The following SAMD4A variants were observed in gnomAD, a reference collection of about 807,000 sequenced individuals.
SAMD4A encodes the protein sterile alpha motif domain containing 4A.
In SAMD4A, 33 loss-of-function variants were observed where a neutral mutation model predicts 81.3. That is an observed-to-expected ratio of 0.41 (90% confidence interval 0.31 to 0.54). SAMD4A has a LOEUF of 0.54. Among genes scored for constraint, SAMD4A ranks in the 20% least tolerant of loss-of-function variants. The pLI is 0.37. For synonymous variants in SAMD4A, 389 were observed against 382.1 expected (o/e 1.02, Z -0.21); for missense variants, 854 against 951.1 (o/e 0.90, Z 1.34).
At chr14:54,686,364 T>C (rs2036268880) in intron 2 of SAMD4A, among the ~76,000 whole-genome samples, 1 of 152,186 alleles carries the variant, frequency 6.6e-6, no homozygotes. Flanking sequence ...GCAAGTTTAA[T>C]TGTGGGTGAT....
At chr14:54,784,516 A>G (rs1389900309) in intron 11 of SAMD4A, 21 bp from the exon 12 acceptor site, 1 of 1,614,014 alleles carries the variant, frequency 6.2e-7, no homozygotes, top group South Asian at 1.1e-5. Flanking sequence ...TGTCACCAAC[A>G]TAACCCTTTA....
rs144215410 is a variant in SAMD4A at position 54,702,359 on chromosome 14, G to C, written c.494G>C (p.Arg165Pro). ...STSFGGQNRG[R>P]SDSVDYGQTH... is the part of the protein sequence containing the mutation. ...AGCTTTGGTGGCCAGAACCGAGGCC[G>C]CTCAGACTCTGTGGATTATGGACAG... The change falls in exon 3 of 13, where the codon CGC (arginine) becomes CCC (proline). Residue 165 changes from arginine to proline, a missense_variant. Arg to Pro is a moderately radical substitution (Grantham distance 103). This residue lies in a region of SAMD4A where 387 missense variants were observed against 405.8 expected (regional missense o/e 0.95). Transcript: ENST00000554335. The C allele has an allele frequency of 1.3e-5, 21 of 1,614,154 alleles. No homozygotes were observed. Among genetic ancestry groups the C allele is most frequent in the South Asian group, 4.4e-5 (4 of 91,084 alleles).
At chr14:54,752,131 A>G (rs149894354) in intron 6 of SAMD4A, among the ~76,000 whole-genome samples, 3 of 152,330 alleles carry the variant, frequency 2.0e-5, no homozygotes, top group Non-Finnish European at 4.4e-5. Context: ...CAAAAATGCT[A>G]AATGCTGAAA....
intron 2 of SAMD4A, among the ~76,000 whole-genome samples, chr14:54,641,754 A>G (rs1314946572): frequency 1.3e-5 from 2 of 152,116 alleles, no homozygotes; most frequent in Non-Finnish European, 2.9e-5. Flanking sequence ...AGTGACCTTT[A>G]ATTTTCTACA....
chr14:54,727,166 C>CCT (rs2037437656), intron 3 of SAMD4A, among the ~76,000 whole-genome samples: 1 of 59,146 alleles, frequency 1.7e-5, no homozygotes, highest in Admixed American at 2.5e-4. Context: ...TCTTTTTTTC[C>CCT]TTTTTTTTTT....
chr14:54,767,449 G>C (rs997811964), intron 8 of SAMD4A, among the ~76,000 whole-genome samples: 3 of 152,238 alleles, frequency 2.0e-5, no homozygotes, highest in African/African-American at 7.2e-5. Context: ...CAGTCACTTT[G>C]ACTCCTGAAT....
intron 2 of SAMD4A, among the ~76,000 whole-genome samples, chr14:54,611,884 A>G (rs951139859): frequency 2.6e-5 from 4 of 152,064 alleles, no homozygotes; most frequent in Middle Eastern, 3.4e-3. Context: ...CTAAAAAAAA[A>G]AAAAAAGAAA....
chr14:54,630,953 T>A (rs2034887678), intron 2 of SAMD4A, among the ~76,000 whole-genome samples: 4 of 138,316 alleles, frequency 2.9e-5, no homozygotes, highest in African/African-American at 8.4e-5. Context: ...TGTGTGTGTG[T>A]GTGATGAGAA....
intron 3 of SAMD4A, among the ~76,000 whole-genome samples, chr14:54,718,959 T>C (rs1023419241): frequency 1.4e-5 from 2 of 147,960 alleles, no homozygotes; most frequent in East Asian, 4.0e-4. Flanking sequence ...GCTGAGATCA[T>C]ACCATTGCAC....
At chr14:54,565,732 TC>T (rs2032909313), upstream of SAMD4A, among the ~76,000 whole-genome samples, 1 of 151,694 alleles carries the variant, frequency 6.6e-6, no homozygotes, top group African/African-American at 2.4e-5. This position sits in a 1 kb window ranked among gnomAD's most constrained non-coding sequence, Gnocchi z 5.4. Flanking sequence ...CCGAGCGCCC[TC>T]GGGTCCCTTT....
chr14:54,663,541 A>C (rs775078386), intron 2 of SAMD4A, among the ~76,000 whole-genome samples: 8 of 152,128 alleles, frequency 5.3e-5, no homozygotes, highest in Non-Finnish European at 8.8e-5. Context: ...TAGCTTGACT[A>C]CTTTTTTTTC....
intron 2 of SAMD4A, among the ~76,000 whole-genome samples, chr14:54,611,396 A>C (rs905970967): frequency 6.6e-5 from 10 of 152,200 alleles, no homozygotes; most frequent in African/African-American, 1.9e-4. Context: ...TTCCTTGGGC[A>C]GCTCCAGATC....
chr14:54,616,199 T>C (rs1468366954), intron 2 of SAMD4A, among the ~76,000 whole-genome samples: 1 of 152,238 alleles, frequency 6.6e-6, no homozygotes, highest in African/African-American at 2.4e-5. Flanking sequence ...CTCATGCACA[T>C]TTTATACCTG....
intron 2 of SAMD4A, among the ~76,000 whole-genome samples, chr14:54,612,422 A>T (rs1308305815): frequency 6.6e-6 from 1 of 152,100 alleles, no homozygotes; most frequent in Admixed American, 6.6e-5. Context: ...GCTATTATTA[A>T]TTTGATTTCT....
intron 2 of SAMD4A, among the ~76,000 whole-genome samples, chr14:54,679,774 T>C (rs904499426): frequency 2.0e-5 from 3 of 152,192 alleles, no homozygotes; most frequent in African/African-American, 7.2e-5. Context: ...CTGTCTGCAA[T>C]TGGGAGACAA....
At chr14:54,771,463 G>C (rs571858286) in intron 9 of SAMD4A, among the ~76,000 whole-genome samples, 4 of 152,282 alleles carry the variant, frequency 2.6e-5, no homozygotes, top group African/African-American at 7.2e-5. Context: ...ATGGTCTCAG[G>C]ATGATGAGCA....
At chr14:54,710,069 T>C (rs2036952052) in intron 3 of SAMD4A, among the ~76,000 whole-genome samples, 1 of 152,174 alleles carries the variant, frequency 6.6e-6, no homozygotes, top group Admixed American at 6.5e-5. Flanking sequence ...CTTTGCATTA[T>C]TGACATTTGG....
At chr14:54,786,861 A>G (rs2039154005) in intron 12 of SAMD4A, among the ~76,000 whole-genome samples, 1 of 152,142 alleles carries the variant, frequency 6.6e-6, no homozygotes, top group South Asian at 2.1e-4. Flanking sequence ...TTTTTTGCTA[A>G]TGTTTTCATC....
chr14:54,579,042 C>T (rs988330480), intron 2 of SAMD4A, among the ~76,000 whole-genome samples: 9 of 152,100 alleles, frequency 5.9e-5, no homozygotes, highest in Admixed American at 2.6e-4. Flanking sequence ...TTCTTCTCTC[C>T]GTGTAGTTCT....
Sources: gnomAD v4.1 joint callset for allele counts (sites outside exome capture counted in the v4.1 genomes callset) on GRCh38, gnomAD v4.1.1 for gene constraint, gnomAD v4.1.1 regional missense constraint, Gnocchi (gnomAD v3.1) non-coding constraint, MANE v1.5 for transcripts, NCBI Gene and HGNC (gene_info 2026-07-23, HGNC 2026-07-21) for gene names.